The following GPHN variants were observed in gnomAD, a reference collection of about 807,000 sequenced individuals.
The protein encoded by GPHN is gephyrin.
A neutral mutation model predicts 95.5 loss-of-function variants in GPHN; 17 were observed. The ratio of observed to expected loss-of-function variants is 0.18; its 90% confidence interval spans 0.12 to 0.27. The LOEUF is 0.27. GPHN is among the 10% of genes least tolerant of loss of function. The probability of loss-of-function intolerance (pLI) is 1.00; values close to 1 mark genes in which losing one functional copy is unlikely to be tolerated. For synonymous variants in GPHN, 320 were observed against 322.5 expected (o/e 0.99, Z 0.08); for missense variants, 660 against 978.1 (o/e 0.67, Z 4.34).
At chr14:67,596,432 C>T in the GPHN span, among the ~76,000 whole-genome samples, 1 of 151,432 alleles carries the variant, frequency 6.6e-6, no homozygotes, top group Non-Finnish European at 1.5e-5. Flanking sequence ...TGAGCCACCG[C>T]ACCCGGCAAA....
At chr14:66,941,097 T>C (rs2067402970) in intron 8 of GPHN, among the ~76,000 whole-genome samples, 1 of 151,540 alleles carries the variant, frequency 6.6e-6, no homozygotes, top group Non-Finnish European at 1.5e-5. Flanking sequence ...ACATCACCTG[T>C]CCCTTTTGTT....
intron 3 of GPHN, among the ~76,000 whole-genome samples, chr14:66,799,432 G>A (rs941485399): frequency 1.3e-5 from 2 of 151,894 alleles, no homozygotes; most frequent in Non-Finnish European, 2.9e-5. Flanking sequence ...AGCTACTATT[G>A]TGTTGGGGCC....
At chr14:67,013,675 A>G (rs539144691) in intron 9 of GPHN, among the ~76,000 whole-genome samples, 144 of 152,028 alleles carry the variant, frequency 9.5e-4, no homozygotes, top group Non-Finnish European at 1.8e-3. Flanking sequence ...TATGAATGCT[A>G]GTTAAGCATT....
At chr14:66,798,399 T>C (rs927803862) in intron 3 of GPHN, among the ~76,000 whole-genome samples, 3 of 151,958 alleles carry the variant, frequency 2.0e-5, no homozygotes, top group African/African-American at 7.2e-5. Flanking sequence ...GTATTAATTC[T>C]TCTTAAAATG....
At chr14:67,646,976 CTTGGTA>C in the GPHN span, 1 of 1,613,076 alleles carries the variant, frequency 6.2e-7, no homozygotes, top group South Asian at 1.1e-5. Context: ...TATTGATCGA[CTTGGTA>C]TCCAGAAGGT....
At chr14:67,283,326 A>G in the GPHN span, among the ~76,000 whole-genome samples, 1 of 152,228 alleles carries the variant, frequency 6.6e-6, no homozygotes, top group Non-Finnish European at 1.5e-5. Flanking sequence ...GACATTTTAA[A>G]GTAAAATAGC....
the GPHN span, among the ~76,000 whole-genome samples, chr14:67,370,505 C>G: frequency 3.3e-5 from 5 of 151,956 alleles, no homozygotes; most frequent in African/African-American, 9.7e-5. Context: ...ACACAAATTA[C>G]CAATCTGGAA....
chr14:67,131,823 A>G (rs991958452), intron 17 of GPHN, among the ~76,000 whole-genome samples: 1 of 152,164 alleles, frequency 6.6e-6, no homozygotes, highest in Non-Finnish European at 1.5e-5. Context: ...TTTCAGCATT[A>G]ATTGAGTTTA....
the GPHN span, among the ~76,000 whole-genome samples, chr14:67,538,516 G>T: frequency 1.3e-5 from 2 of 152,204 alleles, no homozygotes; most frequent in African/African-American, 4.8e-5. Flanking sequence ...TTTATGGGAG[G>T]TATAAGTGCA....
At chr14:67,394,123 G>T in the GPHN span, among the ~76,000 whole-genome samples, 1 of 152,166 alleles carries the variant, frequency 6.6e-6, no homozygotes, top group Non-Finnish European at 1.5e-5. Flanking sequence ...AAATTTGAGA[G>T]GCAGGATTTT....
At chr14:66,934,138 CAAA>C (rs376252931) in intron 8 of GPHN, among the ~76,000 whole-genome samples, 7 of 78,930 alleles carry the variant, frequency 8.9e-5, no homozygotes, top group Non-Finnish European at 6.2e-5. Context: ...GACTCTGTCT[CAAA>C]AAAAAAAAAA....
At chr14:67,284,770 T>C in the GPHN span, among the ~76,000 whole-genome samples, 3 of 152,050 alleles carry the variant, frequency 2.0e-5, no homozygotes, top group Non-Finnish European at 2.9e-5. Flanking sequence ...CTGGCCTCTT[T>C]TCACTTACCA....
chr14:67,208,933 G>A, the GPHN span, among the ~76,000 whole-genome samples: 15 of 150,820 alleles, frequency 9.9e-5, no homozygotes, highest in African/African-American at 2.2e-4. Flanking sequence ...AAAGAAGCAC[G>A]GAAAAAGCAA....
chr14:66,898,385 G>C (rs2064962909), intron 5 of GPHN, among the ~76,000 whole-genome samples: 1 of 138,220 alleles, frequency 7.2e-6, no homozygotes, highest in South Asian at 2.3e-4. Flanking sequence ...TAAGGTGTGA[G>C]TTTAGGTTGA....
At chr14:67,691,177 T>C in the GPHN span, 2 of 1,614,108 alleles carry the variant, frequency 1.2e-6, no homozygotes, top group South Asian at 2.2e-5. Context: ...CAAAGCCATC[T>C]GCTGTCTTCG....
intron 2 of GPHN, among the ~76,000 whole-genome samples, chr14:66,746,652 T>G (rs1260402860): frequency 6.6e-6 from 1 of 151,600 alleles, no homozygotes; most frequent in Non-Finnish European, 1.5e-5. Context: ...TACTTTCTAC[T>G]TCCCTTGGGG....
intron 8 of GPHN, among the ~76,000 whole-genome samples, chr14:66,964,569 G>A (rs2069180762): frequency 6.6e-6 from 1 of 152,204 alleles, no homozygotes; most frequent in African/African-American, 2.4e-5. Flanking sequence ...GCAAAGGGAA[G>A]GAGTGCTATT....
chr14:67,693,200 G>C, the GPHN span: 1 of 532,770 alleles, frequency 1.9e-6, no homozygotes, highest in African/African-American at 1.9e-5. Context: ...TTTAAGGAAA[G>C]TTGGAGGAAA....
At chr14:67,024,809 G>A (rs1411230148) in intron 10 of GPHN, among the ~76,000 whole-genome samples, 1 of 152,160 alleles carries the variant, frequency 6.6e-6, no homozygotes, top group African/African-American at 2.4e-5. Context: ...GAGTGCTCAT[G>A]TGGCTGATCT....
Sources: gnomAD v4.1 joint callset for allele counts (sites outside exome capture counted in the v4.1 genomes callset) on GRCh38, gnomAD v4.1.1 for gene constraint, MANE v1.5 for transcripts, NCBI Gene and HGNC (gene_info 2026-07-23, HGNC 2026-07-21) for gene names.